CCDC102B: variants seen among roughly 807,000 people sequenced by gnomAD.
The protein encoded by CCDC102B is coiled-coil domain-containing protein 102B.
Under a neutral mutation model 57.4 loss-of-function variants are expected in CCDC102B, and 75 were observed. The ratio of observed to expected loss-of-function variants is 1.31; its 90% CI spans 1.08 to 1.58. CCDC102B has a LOEUF of 1.58. CCDC102B is among the 40% of genes most tolerant of loss of function. The pLI is 0.00. For synonymous variants in CCDC102B, 206 were observed against 201.9 expected (o/e 1.02, Z -0.17); for missense variants, 636 against 582.6 (o/e 1.09, Z -0.94).
rs72949431 is a variant in CCDC102B at position 68,857,853 on chromosome 18, G to T, written c.936+11432G>T. ...CACATTATCCTTTTTTCCATCTTTT[G>T]TCCCTGTGCACAATTTTTCAGTAAA... is the stretch of plus-strand genomic sequence containing the variant. On this transcript the variant is annotated intron_variant, in intron 4 of 7. Coordinates refer to ENST00000360242, the MANE Select transcript of CCDC102B (RefSeq NM_024781.3). Among the ~76,000 whole-genome samples the T allele has an allele frequency of 2.3e-3, 354 of 151,962 alleles. 1 individual carries two copies. The highest frequency in any genetic ancestry group is 3.4e-3 in the Middle Eastern group (1 of 294).
chr18:68,964,837 G>T (rs1203843666), intron 6 of CCDC102B, among the ~76,000 whole-genome samples: 1 of 151,834 alleles, frequency 6.6e-6, no homozygotes, highest in Non-Finnish European at 1.5e-5. Flanking sequence ...TTCCTGAAGA[G>T]AAATTTTACT....
At chr18:68,941,264 TAA>T (rs35250665) in intron 6 of CCDC102B, among the ~76,000 whole-genome samples, 84,070 of 149,674 alleles carry the variant, frequency 0.56, 25,940 homozygotes, top group Non-Finnish European at 0.68. Flanking sequence ...AGCACAAAAA[TAA>T]AAAAAAAACC....
intron 5 of CCDC102B, among the ~76,000 whole-genome samples, chr18:68,891,101 T>A (rs1004225747): frequency 1.3e-5 from 2 of 152,208 alleles, no homozygotes; most frequent in Non-Finnish European, 2.9e-5. Flanking sequence ...TGTTTCCTAA[T>A]AATGTTAATG....
chr18:68,876,675 C>G (rs1469776773), intron 5 of CCDC102B, among the ~76,000 whole-genome samples: 1 of 151,936 alleles, frequency 6.6e-6, no homozygotes, highest in African/African-American at 2.4e-5. Flanking sequence ...GATTTTGGAG[C>G]AGGATATTGA....
At chr18:68,804,800 T>A (rs2144692910) in intron 1 of CCDC102B, among the ~76,000 whole-genome samples, 1 of 151,980 alleles carries the variant, frequency 6.6e-6, no homozygotes, top group Non-Finnish European at 1.5e-5. Context: ...AAAGTGTCTT[T>A]AAAATAATTT....
At chr18:68,815,657 AC>A (rs1365595142) in intron 1 of CCDC102B, among the ~76,000 whole-genome samples, 1 of 135,946 alleles carries the variant, frequency 7.4e-6, no homozygotes, top group East Asian at 2.1e-4. Context: ...CATTCCAGCC[AC>A]CCTTCACCTC....
intron 2 of CCDC102B, among the ~76,000 whole-genome samples, chr18:68,773,500 A>G (rs1311016285): frequency 1.3e-5 from 2 of 152,024 alleles, no homozygotes; most frequent in Non-Finnish European, 2.9e-5. Flanking sequence ...AAATTAAATG[A>G]CTAAATTGCC....
intron 4 of CCDC102B, among the ~76,000 whole-genome samples, chr18:68,871,429 C>T (rs1452595614): frequency 6.6e-6 from 1 of 152,064 alleles, no homozygotes; most frequent in Non-Finnish European, 1.5e-5. Flanking sequence ...ATTTTCTTTA[C>T]AAATCCATTA....
intron 2 of CCDC102B, among the ~76,000 whole-genome samples, chr18:68,789,983 G>C (rs2035369427): frequency 6.6e-6 from 1 of 150,706 alleles, no homozygotes; most frequent in African/African-American, 2.5e-5. Flanking sequence ...GGTCTTTGAT[G>C]ATGGTGATGT....
chr18:68,810,676 C>CTTTTTTTT (rs1171476369), intron 1 of CCDC102B, among the ~76,000 whole-genome samples: 2 of 57,434 alleles, frequency 3.5e-5, no homozygotes, highest in Non-Finnish European at 8.2e-5. Context: ...CTTTTCTTTT[C>CTTTTTTTT]TTTGTTTTTT....
chr18:68,970,727 C>T (rs1010320066), intron 6 of CCDC102B, among the ~76,000 whole-genome samples: 4 of 151,942 alleles, frequency 2.6e-5, no homozygotes, highest in African/African-American at 7.2e-5. Context: ...ATGCAATATG[C>T]TTTATCAATC....
intron 6 of CCDC102B, among the ~76,000 whole-genome samples, chr18:68,915,011 G>C (rs923830334): frequency 6.6e-6 from 1 of 152,180 alleles, no homozygotes; most frequent in Non-Finnish European, 1.5e-5. Flanking sequence ...CAGAAAGAGA[G>C]AGAGAGAGAA....
At chr18:68,927,845 A>G (rs1388482211) in intron 6 of CCDC102B, among the ~76,000 whole-genome samples, 1 of 151,892 alleles carries the variant, frequency 6.6e-6, no homozygotes, top group Non-Finnish European at 1.5e-5. Context: ...GGTGCTTTTT[A>G]CAGAGGTAAA....
chr18:69,033,190 C>T (rs2052194872), intron 7 of CCDC102B, among the ~76,000 whole-genome samples: 1 of 151,826 alleles, frequency 6.6e-6, no homozygotes, highest in Non-Finnish European at 1.5e-5. Flanking sequence ...TTGTAGAAAC[C>T]CAAGACTTAA....
Position 68,853,611 on chromosome 18 carries a change from G to A in CCDC102B, c.936+7190G>A, listed in dbSNP as rs147910173. Among the ~76,000 whole-genome samples the A allele has an allele frequency of 9.1e-5, 12 of 132,438 alleles. No homozygotes were observed. In the East Asian group the frequency reaches 1.0e-3, roughly 11 times the overall value. 86.9% of individuals were successfully genotyped at this position (132,438 alleles called of 152,430 possible). ...TATTTGTGAGCTTTCCAAAATTTGC[G>A]AATTGTTTTCTCATTTCAAATATTT... On this transcript the variant is annotated intron_variant, in intron 4 of 7. Transcript: ENST00000360242.
At chr18:68,827,107 A>G (rs79617054) in intron 1 of CCDC102B, among the ~76,000 whole-genome samples, 7,147 of 152,236 alleles carry the variant, frequency 0.047, 230 homozygotes, top group Non-Finnish European at 0.079. Context: ...ATGGAAAGTA[A>G]AGACACCAGA....
intron 2 of CCDC102B, among the ~76,000 whole-genome samples, chr18:68,744,122 C>G (rs985936831): frequency 1.3e-5 from 2 of 152,056 alleles, no homozygotes; most frequent in Non-Finnish European, 2.9e-5. Context: ...CATGTTTAGG[C>G]AATTTATTAT....
chr18:68,720,347 A>G (rs1175071421), intron 2 of CCDC102B, among the ~76,000 whole-genome samples: 1 of 152,170 alleles, frequency 6.6e-6, no homozygotes, highest in Non-Finnish European at 1.5e-5. Flanking sequence ...TACATTGTTT[A>G]TTTATTAATG....
chr18:68,864,901 C>T (rs144488948), intron 4 of CCDC102B, among the ~76,000 whole-genome samples: 19 of 152,138 alleles, frequency 1.2e-4, no homozygotes, highest in African/African-American at 4.3e-4. Context: ...AAATGCCTGG[C>T]TCTGCCCCAT....
Sources: gnomAD v4.1 joint callset for allele counts (sites outside exome capture counted in the v4.1 genomes callset) on GRCh38, gnomAD v4.1.1 for gene constraint, MANE v1.5 for transcripts, NCBI Gene and HGNC (gene_info 2026-07-23, HGNC 2026-07-21) for gene names.